Variants in UBE3B observed in about 807,000 individuals in gnomAD.
UBE3B encodes the protein ubiquitin protein ligase E3B, also known as ubiquitin-protein ligase E3B.
A neutral mutation model predicts 132.3 loss-of-function variants in UBE3B; 80 were observed. The ratio of observed to expected loss-of-function variants is 0.60; its 90% confidence interval spans 0.50 to 0.73. The LOEUF (loss-of-function observed/expected upper bound fraction) is 0.73. Ranked by LOEUF, UBE3B falls within the 30% of genes least tolerant of loss-of-function variation. The pLI, the probability that UBE3B is intolerant of heterozygous loss-of-function variation, is 0.00. For missense variants in UBE3B, 1,196 were observed against 1,362.5 expected (o/e 0.88, Z 1.92); for synonymous variants, 487 against 520.4 (o/e 0.94, Z 0.87).
intron 1 of UBE3B, among the ~76,000 whole-genome samples, chr12:109,478,458 A>C (rs1446087000): frequency 6.6e-6 from 1 of 152,198 alleles, no homozygotes; most frequent in Admixed American, 6.5e-5. Flanking sequence ...AGTCTCTTTA[A>C]GTCGTGTTTC....
downstream of UBE3B, among the ~76,000 whole-genome samples, chr12:109,540,417 C>T (rs904992328): frequency 1.3e-5 from 2 of 152,176 alleles, no homozygotes; most frequent in African/African-American, 2.4e-5. Context: ...TGCCATATTG[C>T]CCACGCTGGT....
At position 109,498,092 on chromosome 12, in the gene UBE3B, G is replaced by T. The variant is rs1805877102; in HGVS notation, c.820-141G>T. 9 of 1,366,464 alleles carry T rather than the reference G, an allele frequency of 6.6e-6. No homozygotes were observed. In the East Asian group the frequency reaches 1.8e-4, roughly 28 times the overall value. 84.6% of individuals were successfully genotyped at this position (1,366,464 alleles called of 1,614,324 possible). ...TTTGTGTTAGTAGCCCAAAGAAGTG[G>T]GTTCTTGTCTGTCCATTTTCTTCTT... On this transcript the variant is annotated intron_variant, in intron 10 of 27. Coordinates refer to ENST00000342494, the MANE Select transcript of UBE3B (RefSeq NM_130466.4).
At chr12:109,494,584 CAAGT>C (rs1877933553) in intron 9 of UBE3B, among the ~76,000 whole-genome samples, 1 of 152,206 alleles carries the variant, frequency 6.6e-6, no homozygotes, top group African/African-American at 2.4e-5. Flanking sequence ...GTTAAACAAT[CAAGT>C]AAGCAGTGCA....
chr12:109,545,545 A>T, the UBE3B span, among the ~76,000 whole-genome samples: 1 of 152,214 alleles, frequency 6.6e-6, no homozygotes, highest in Non-Finnish European at 1.5e-5. Flanking sequence ...GGTCATTCCC[A>T]TGCCCAAGGC....
chr12:109,526,562 A>G (rs1882356509), intron 24 of UBE3B, 146 bp downstream of exon 24: 1 of 852,312 alleles, frequency 1.2e-6, no homozygotes, highest in South Asian at 1.7e-5. Flanking sequence ...TACAGTTCAT[A>G]GGCCAGAATT....
In UBE3B at chr12:109,499,764, C is replaced by T. The variant is rs768668323; in HGVS notation, c.1072C>T (p.His358Tyr). ...YVSQKKSNLT[H>Y]WHPVLGWFSQ... ...GTCTCAGAAGAAGTCCAACCTGACC[C>T]ACTGGCATCCTGTCCTTGGCTGGTT... The change falls in exon 12 of 28, where the codon CAC (histidine) becomes TAC (tyrosine). Residue 358 changes from histidine to tyrosine, a missense_variant. By Grantham distance (83) the His-to-Tyr change is moderately conservative. Coordinates refer to ENST00000342494, the MANE Select transcript of UBE3B (RefSeq NM_130466.4). 1.1e-4 allele frequency: 177 copies of T among 1,611,192 alleles called. No individual in the cohort carries two copies. The highest frequency in any genetic ancestry group is 1.5e-4 in the Non-Finnish European group (171 of 1,178,552).
In UBE3B at chr12:109,521,465, T is replaced by G. The variant is rs778069857; in HGVS notation, c.2278T>G (p.Tyr760Asp). 11 of 1,594,842 alleles carry G rather than the reference T, an allele frequency of 6.9e-6. No homozygotes were observed. The highest frequency in any genetic ancestry group is 8.6e-6 in the Non-Finnish European group (10 of 1,167,218). The change falls in exon 21 of 28, where the codon TAC (tyrosine) becomes GAC (aspartate). Residue 760 changes from tyrosine to aspartate, a missense_variant. Transcript: ENST00000342494. This position sits in a 1 kb window ranked among gnomAD's most constrained non-coding sequence, Gnocchi z 4.2. The stretch of plus-strand genomic sequence containing the variant: ...GACAACCAGTGGGGATGAGAGGCTG[T>G]ACCCCTCACCCACATCCTACATCCA... Reference protein sequence around the residue: ...FKTTSGDERLYPSPTSYIHEN... With the variant: ...FKTTSGDERLDPSPTSYIHEN...
At chr12:109,516,665 C>A in intron 18 of UBE3B, 100 bp from the exon 19 acceptor site, 3 of 1,538,604 alleles carry the variant, frequency 1.9e-6, no homozygotes, top group Admixed American at 1.8e-5. Context: ...ATTCTGCTTG[C>A]ATCTCATCTA....
intron 26 of UBE3B, among the ~76,000 whole-genome samples, chr12:109,532,372 A>G (rs1883020734): frequency 6.6e-6 from 1 of 152,170 alleles, no homozygotes; most frequent in Non-Finnish European, 1.5e-5. Context: ...ATAGGAATAG[A>G]TCTTGTTAAT....
rs753244272 is a variant in UBE3B at position 109,499,627 on chromosome 12, C to G, written c.941-6C>G. ...GCCCATCACACTCAGCCTTCTCTCT[C>G]TGTAGGCAACCTCCTACACTTGGGC... On this transcript the variant is annotated splice_region_variant and splice_polypyrimidine_tract_variant and intron_variant, in intron 11 of 27. Transcript: ENST00000342494. 19 of 1,583,494 alleles carry G rather than the reference C, an allele frequency of 1.2e-5. No individual in the cohort carries two copies. Among genetic ancestry groups the G allele is most frequent in the Non-Finnish European group, 1.6e-5 (19 of 1,163,740 alleles).
intron 9 of UBE3B, among the ~76,000 whole-genome samples, chr12:109,493,745 T>G (rs1877794925): frequency 6.6e-6 from 1 of 152,066 alleles, no homozygotes; most frequent in Non-Finnish European, 1.5e-5. Flanking sequence ...GAAATATGAA[T>G]AGCTAACATT....
chr12:109,480,638 G>A (rs1036067129), intron 1 of UBE3B, among the ~76,000 whole-genome samples: 13 of 143,906 alleles, frequency 9.0e-5, no homozygotes, highest in African/African-American at 1.6e-4. Context: ...ATGACAGAGC[G>A]AGACCCTGCC....
Position 109,483,512 on chromosome 12 carries a change from T to G in UBE3B, c.-21-19T>G. ...TCACACAACAATCTACAACACCCAC[T>G]TGCCCATTTTCCTTGCAGGGTTTGT... is the stretch of plus-strand genomic sequence containing the variant. On this transcript the variant is annotated intron_variant, in intron 2 of 27. Transcript: ENST00000342494. 6.6e-7 allele frequency: 1 copy of G among 1,526,624 alleles called. No homozygotes were observed. The highest frequency in any genetic ancestry group is 2.3e-5 in the East Asian group (1 of 43,828). 94.6% of individuals were successfully genotyped at this position (1,526,624 alleles called of 1,614,324 possible).
In UBE3B at chr12:109,498,340, G is replaced by A. The variant is rs769441257; in HGVS notation, c.927G>A (p.Thr309=). The part of the protein sequence containing the change: ...DVCESLEGCH[T]LCLMGNLLHL... ...GTGAAAGTTTAGAAGGATGCCATACGCTTTGTCTAATGGGTAAGTATCCGT... is the reference window on the plus strand; with the variant it reads ...GTGAAAGTTTAGAAGGATGCCATACACTTTGTCTAATGGGTAAGTATCCGT... Residue 309 remains threonine, a synonymous_variant, in exon 11 of 28, where the codon ACG becomes ACA. Coordinates refer to ENST00000342494, the MANE Select transcript of UBE3B (RefSeq NM_130466.4). The A allele has an allele frequency of 1.1e-5, 17 of 1,613,822 alleles. No homozygotes were observed. The highest frequency in any genetic ancestry group is 4.5e-5 in the East Asian group (2 of 44,882).
In UBE3B at chr12:109,511,222, G is replaced by A; in HGVS notation, c.1875G>A (p.Val625=). ...TCTCAAGGGATCTCAAACCTAGCGTGCTCTTCCAAGAACTCGACAGGGACA... is the reference window on the plus strand; with the variant it reads ...TCTCAAGGGATCTCAAACCTAGCGTACTCTTCCAAGAACTCGACAGGGACA... ...HWLRKDLKPS[V]LFQELDRDRK... is the part of the protein sequence containing the mutation. Residue 625 remains valine (V), a synonymous_variant, in exon 18 of 28, where the codon GTG becomes GTA. Coordinates refer to ENST00000342494, the MANE Select transcript of UBE3B (RefSeq NM_130466.4). The A allele has an allele frequency of 4.3e-6, 7 of 1,614,088 alleles. No individual in the cohort carries two copies. Among genetic ancestry groups the A allele is most frequent in the Non-Finnish European group, 5.9e-6 (7 of 1,179,996 alleles).
chr12:109,543,597 C>A, the UBE3B span, among the ~76,000 whole-genome samples: 2 of 152,208 alleles, frequency 1.3e-5, no homozygotes, highest in African/African-American at 4.8e-5. Context: ...CCAACACTTT[C>A]GGAGGCAGAT....
intron 19 of UBE3B, 142 bp downstream of exon 19, chr12:109,517,026 C>CCTTA: frequency 7.6e-7 from 1 of 1,310,896 alleles, no homozygotes; most frequent in Non-Finnish European, 1.0e-6. Context: ...GGAAAGGGGT[C>CCTTA]ATTTGTCCTG....
rs770955936 is a variant in UBE3B, at chr12:109,483,873, T to C, written c.174T>C (p.Asp58=). Residue 58 remains aspartate, a synonymous_variant, in exon 4 of 28, where the codon GAT becomes GAC. Transcript: ENST00000342494. ...RLQRDIRREI[D]DFFKADDPES... ...CTTTCTTTTCTAGGAGAGAGATTGA[T>C]GACTTTTTTAAAGCAGATGACCCTG... The C allele has an allele frequency of 6.2e-7, 1 of 1,610,978 alleles. No individual in the cohort carries two copies. Among genetic ancestry groups the C allele is most frequent in the South Asian group, 1.1e-5 (1 of 89,890 alleles).
intron 24 of UBE3B, among the ~76,000 whole-genome samples, chr12:109,526,785 C>G (rs1882383339): frequency 1.3e-5 from 2 of 151,738 alleles, no homozygotes; most frequent in African/African-American, 2.4e-5. Flanking sequence ...GCAGGAGAAT[C>G]GCTTGAACCT....
Sources: allele counts gnomAD v4.1 joint callset (sites outside exome capture counted in the v4.1 genomes callset), GRCh38; gene constraint gnomAD v4.1.1; non-coding constraint Gnocchi (gnomAD v3.1); transcripts MANE v1.5; gene names NCBI Gene and HGNC (gene_info 2026-07-23, HGNC 2026-07-21).